ANO4: variants seen among roughly 807,000 people sequenced by gnomAD.
The protein encoded by ANO4 is anoctamin 4.
ANO4 carries 69 observed loss-of-function variants against 141.9 expected under a neutral mutation model. That is an observed-to-expected ratio of 0.49 (90% confidence interval 0.40 to 0.59). The LOEUF is 0.59. Ranked by LOEUF, ANO4 falls within the 20% of genes least tolerant of loss-of-function variation. The probability of loss-of-function intolerance (pLI) is 0.00; values close to 1 mark genes in which losing one functional copy is unlikely to be tolerated. For synonymous variants in ANO4, 350 were observed against 394.3 expected (o/e 0.89, Z 1.33); for missense variants, 894 against 1,162.2 (o/e 0.77, Z 3.36).
intron 3 of ANO4, among the ~76,000 whole-genome samples, chr12:100,784,561 C>T (rs1428207526): frequency 6.6e-6 from 1 of 152,166 alleles, no homozygotes; most frequent in South Asian, 2.1e-4. Context: ...CTGATTCTCT[C>T]GTTTTTACTC....
In ANO4 at chr12:101,066,036, A is replaced by G. The variant is rs117483307; in HGVS notation, c.1313-13157A>G. On this transcript the variant is annotated intron_variant, in intron 14 of 27. Coordinates refer to ENST00000392977, the MANE Select transcript of ANO4 (RefSeq NM_001286615.2). ...CATATGATCATTTCAATTGATGACA[A>G]AGAAAGAATTTGATAAAGTTCAACA... Among the ~76,000 whole-genome samples the G allele has an allele frequency of 0.014, 2,150 of 152,322 alleles. 200 individuals are homozygous for G. The East Asian group carries it at 0.28, about 20-fold the overall frequency.
chr12:101,041,599 T>C (rs183673088), intron 11 of ANO4, among the ~76,000 whole-genome samples: 2 of 152,310 alleles, frequency 1.3e-5, no homozygotes, highest in Admixed American at 6.5e-5. Flanking sequence ...CTAAGTACTA[T>C]TGGCAAAGCC....
In ANO4 at chr12:100,881,119, C is replaced by G. The variant is rs1266334618; in HGVS notation, c.-140-20527C>G. On this transcript the variant is annotated intron_variant, in intron 1 of 27. Coordinates refer to ENST00000392977, the MANE Select transcript of ANO4 (RefSeq NM_001286615.2). ...TGGACACAGGAAGGGGAACATCACA[C>G]ACCAGGGACTGTTTTGGGGTGGGGG... Among the ~76,000 whole-genome samples, 200 of 147,922 alleles carry G rather than the reference C, an allele frequency of 1.4e-3. 1 individual carries two copies. The highest frequency in any genetic ancestry group is 4.7e-3 in the African/African-American group (190 of 40,060).
At chr12:100,767,245 T>C (rs887276918) in intron 3 of ANO4, among the ~76,000 whole-genome samples, 2 of 152,232 alleles carry the variant, frequency 1.3e-5, no homozygotes, top group African/African-American at 2.4e-5. Context: ...CATTTTGTAA[T>C]TGTTTTCTGA....
intron 8 of ANO4, among the ~76,000 whole-genome samples, chr12:101,009,892 C>CT (rs1462181313): frequency 6.6e-6 from 1 of 152,158 alleles, no homozygotes; most frequent in Non-Finnish European, 1.5e-5. Flanking sequence ...TTATCTTCCT[C>CT]TTTTTTTGAT....
intron 1 of ANO4, among the ~76,000 whole-genome samples, chr12:100,869,202 C>T (rs1220045092): frequency 1.3e-5 from 2 of 152,192 alleles, no homozygotes; most frequent in African/African-American, 4.8e-5. Context: ...TGATCCAATG[C>T]CTTTCGAAAC....
chr12:100,762,565 C>T (rs988463937), intron 3 of ANO4, among the ~76,000 whole-genome samples: 1 of 152,114 alleles, frequency 6.6e-6, no homozygotes, highest in African/African-American at 2.4e-5. Context: ...ACATGAAAAC[C>T]CAGAGACATG....
Position 101,048,125 on chromosome 12 carries a change from A to T in ANO4, c.1252-216A>T, listed in dbSNP as rs1432636759. The stretch of plus-strand genomic sequence containing the variant: ...AAATGTTCAACTAGATGATAACCAC[A>T]TAAAGAGAACAAATTGTATCCTCTA... On this transcript the variant is annotated intron_variant, in intron 13 of 27. Transcript: ENST00000392977. 5.4e-6 allele frequency: 6 copies of T among 1,105,198 alleles called. No homozygotes were observed. In the East Asian group the frequency reaches 1.4e-4, roughly 26 times the overall value. 68.5% of individuals were successfully genotyped at this position (1,105,198 alleles called of 1,614,324 possible).
intron 17 of ANO4, among the ~76,000 whole-genome samples, chr12:101,090,191 G>A (rs1427261462): frequency 5.3e-5 from 8 of 152,164 alleles, no homozygotes; most frequent in African/African-American, 1.4e-4. Flanking sequence ...ACAGTGTGGC[G>A]ATTCCTCAAG....
chr12:100,975,560 C>T (rs1379651825), intron 7 of ANO4, among the ~76,000 whole-genome samples: 1 of 151,348 alleles, frequency 6.6e-6, no homozygotes, highest in African/African-American at 2.4e-5. Flanking sequence ...CCTGCCTCAA[C>T]CTCTTGAGTA....
intron 1 of ANO4, among the ~76,000 whole-genome samples, chr12:100,842,658 A>G (rs1005084602): frequency 6.6e-5 from 10 of 152,140 alleles, no homozygotes; most frequent in African/African-American, 2.4e-4. Flanking sequence ...GAAGTTCAAG[A>G]TCAAGATATG....
At chr12:100,983,867 A>G (rs1341809716) in intron 7 of ANO4, among the ~76,000 whole-genome samples, 1 of 152,154 alleles carries the variant, frequency 6.6e-6, no homozygotes, top group Non-Finnish European at 1.5e-5. Context: ...ACATATTCAC[A>G]GGTTCTGGTG....
chr12:100,895,813 T>G (rs1453765040), intron 1 of ANO4, among the ~76,000 whole-genome samples: 2 of 151,978 alleles, frequency 1.3e-5, no homozygotes, highest in Admixed American at 1.3e-4. Flanking sequence ...CCACCCGCCT[T>G]GGCCTCCCAA....
intron 22 of ANO4, among the ~76,000 whole-genome samples, chr12:101,100,196 ATTC>A (rs1407912702): frequency 6.6e-6 from 1 of 152,128 alleles, no homozygotes; most frequent in Non-Finnish European, 1.5e-5. Flanking sequence ...TTATTCTCTT[ATTC>A]TTTTTGTCTT....
At chr12:101,074,209 C>T (rs1232097272) in intron 14 of ANO4, among the ~76,000 whole-genome samples, 1 of 152,152 alleles carries the variant, frequency 6.6e-6, no homozygotes, top group East Asian at 1.9e-4. Context: ...AAATTAATTT[C>T]TATCACATGT....
intron 24 of ANO4, among the ~76,000 whole-genome samples, chr12:101,114,258 C>G (rs1416147784): frequency 6.6e-6 from 1 of 152,152 alleles, no homozygotes; most frequent in African/African-American, 2.4e-5. Flanking sequence ...GAATTGATGA[C>G]AACTTTCACT....
At chr12:101,122,949 T>C (rs2051153824) in intron 26 of ANO4, among the ~76,000 whole-genome samples, 2 of 152,210 alleles carry the variant, frequency 1.3e-5, no homozygotes, top group Admixed American at 1.3e-4. Context: ...CAATTGTCTA[T>C]ATTATATGTC....
chr12:100,998,389 A>G (rs1017673159), intron 8 of ANO4, among the ~76,000 whole-genome samples: 4 of 151,516 alleles, frequency 2.6e-5, no homozygotes, highest in Non-Finnish European at 5.9e-5. Context: ...TTATCTATCT[A>G]TCTATCTATC....
At chr12:101,048,503 A>G in intron 14 of ANO4, 102 bp downstream of exon 14, 1 of 1,062,968 alleles carries the variant, frequency 9.4e-7, no homozygotes, top group Non-Finnish European at 1.4e-6. Context: ...AGCTTGAGTA[A>G]ATGGAATTAG....
Sources: allele counts gnomAD v4.1 joint callset (sites outside exome capture counted in the v4.1 genomes callset), GRCh38; gene constraint gnomAD v4.1.1; transcripts MANE v1.5; gene names NCBI Gene and HGNC (gene_info 2026-07-23, HGNC 2026-07-21).